The following HCN1 variants were observed in gnomAD, a reference collection of about 807,000 sequenced individuals.
HCN1 encodes the protein hyperpolarization activated cyclic nucleotide gated potassium channel 1.
In HCN1, 13 loss-of-function variants were observed where a neutral mutation model predicts 78.9. The observed-to-expected ratio is 0.16, with a 90% CI of 0.11 to 0.26. HCN1 has a LOEUF of 0.26. Among genes scored for constraint, HCN1 ranks in the 10% least tolerant of loss-of-function variants. The pLI is 1.00. For synonymous variants in HCN1, 552 were observed against 455.5 expected (o/e 1.21, Z -2.70); for missense variants, 810 against 1,154.3 (o/e 0.70, Z 4.32).
At chr5:45,444,948 C>T (rs976014057) in intron 3 of HCN1, among the ~76,000 whole-genome samples, 3 of 152,104 alleles carry the variant, frequency 2.0e-5, no homozygotes, top group Non-Finnish European at 4.4e-5. Flanking sequence ...AAGCTCCCAG[C>T]CTGAGCAATG....
At chr5:45,323,336 C>A (rs758852895) in intron 5 of HCN1, among the ~76,000 whole-genome samples, 2 of 151,770 alleles carry the variant, frequency 1.3e-5, no homozygotes, top group African/African-American at 4.8e-5. Flanking sequence ...ATTTATTACA[C>A]TTAATTTTAC....
chr5:45,687,655 G>T (rs1212479957), intron 1 of HCN1, among the ~76,000 whole-genome samples: 1 of 151,818 alleles, frequency 6.6e-6, no homozygotes, highest in African/African-American at 2.4e-5. Context: ...GACCTTCTTT[G>T]GCTGTTTGAT....
intron 3 of HCN1, among the ~76,000 whole-genome samples, chr5:45,437,782 A>C (rs1472614451): frequency 6.6e-6 from 1 of 152,206 alleles, no homozygotes; most frequent in African/African-American, 2.4e-5. Flanking sequence ...AGTTTAAAAG[A>C]ATACTTTATT....
At chr5:45,380,637 T>A (rs1747790312) in intron 4 of HCN1, among the ~76,000 whole-genome samples, 1 of 152,030 alleles carries the variant, frequency 6.6e-6, no homozygotes, top group Admixed American at 6.6e-5. Flanking sequence ...AAATAAAAAC[T>A]AGAGCACATA....
chr5:45,686,599 C>A (rs1739813874), intron 1 of HCN1, among the ~76,000 whole-genome samples: 2 of 151,904 alleles, frequency 1.3e-5, no homozygotes, highest in Admixed American at 6.6e-5. Context: ...AACTGTGATT[C>A]TTTTCCCTTT....
chr5:45,543,236 T>G (rs1207631197), intron 2 of HCN1, among the ~76,000 whole-genome samples: 2 of 152,000 alleles, frequency 1.3e-5, no homozygotes, highest in Non-Finnish European at 2.9e-5. Context: ...AAAACTAATA[T>G]GTACCAAGAA....
chr5:45,569,023 C>T (rs185510112), intron 2 of HCN1, among the ~76,000 whole-genome samples: 164 of 152,226 alleles, frequency 1.1e-3, no homozygotes, highest in Admixed American at 2.0e-3. Context: ...TCCCACTCCC[C>T]TGGAGATCCT....
chr5:45,346,636 C>G (rs548839094), intron 5 of HCN1, among the ~76,000 whole-genome samples: 1 of 152,116 alleles, frequency 6.6e-6, no homozygotes, highest in Non-Finnish European at 1.5e-5. Context: ...CAGATGGCAC[C>G]TGGAAAATCG....
intron 2 of HCN1, among the ~76,000 whole-genome samples, chr5:45,463,163 CA>C (rs537495710): frequency 6.6e-6 from 1 of 150,446 alleles, no homozygotes; most frequent in African/African-American, 2.4e-5. Flanking sequence ...TAAAGAAAAC[CA>C]AAAAAAATAC....
chr5:45,267,308 G>A (rs1460679473), intron 6 of HCN1, 55 bp from the exon 7 acceptor site: 8 of 1,521,344 alleles, frequency 5.3e-6, no homozygotes, highest in African/African-American at 2.7e-5. Context: ...TCTTTTAAAA[G>A]CCATTAAGGC....
chr5:45,338,739 T>C (rs553741378), intron 5 of HCN1, among the ~76,000 whole-genome samples: 92 of 152,282 alleles, frequency 6.0e-4, no homozygotes, highest in African/African-American at 2.1e-3. Flanking sequence ...TTGTAATCTA[T>C]CACTGTGACT....
At chr5:45,552,879 G>A (rs913261249) in intron 2 of HCN1, among the ~76,000 whole-genome samples, 59 of 151,982 alleles carry the variant, frequency 3.9e-4, no homozygotes, top group African/African-American at 1.4e-3. Context: ...GGAAGACACT[G>A]GGAATACGAA....
Position 45,692,036 on chromosome 5 carries a change from A to C in HCN1, c.425+3633T>G, listed in dbSNP as rs370709040. On this transcript the variant is annotated intron_variant, in intron 1 of 7. Transcript: ENST00000303230. ...TATGAGGAGCAAGATGTTGGCTGGC[A>C]ATACATATGGAAAGGAGCATTCTTT... 1.6e-4 allele frequency among the ~76,000 whole-genome samples: 25 copies of C among 152,346 alleles called. No individual in the cohort carries two copies. In the East Asian group the frequency reaches 4.0e-3, roughly 25 times the overall value.
chr5:45,262,298 C>T lies in HCN1; in HGVS notation c.2296G>A (p.Glu766Lys), dbSNP rs776567935. Residue 766 changes from glutamate (E) to lysine (K), a missense_variant, in exon 8 of 8, where the codon GAA (glutamate) becomes AAA (lysine). Around this residue, in one of 6 missense-constraint regions of HCN1, gnomAD observed 398 missense variants for 381.3 expected, o/e 1.04. Transcript: ENST00000303230. ...AGCGCCTGCGTGCTCTTGTGCACTTCATTTTTCGGCGTGGAGCTGCCAGGT... is the reference window on the plus strand; with the variant it reads ...AGCGCCTGCGTGCTCTTGTGCACTTTATTTTTCGGCGTGGAGCTGCCAGGT... ...QTPGSSTPKN[E>K]VHKSTQALHN... The T allele has an allele frequency of 1.3e-5, 21 of 1,613,960 alleles. No homozygotes were observed. Among genetic ancestry groups the T allele is most frequent in the Non-Finnish European group, 1.8e-5 (21 of 1,180,022 alleles).
At chr5:45,523,587 G>T (rs1579947875) in intron 2 of HCN1, among the ~76,000 whole-genome samples, 2 of 152,236 alleles carry the variant, frequency 1.3e-5, no homozygotes, top group East Asian at 3.9e-4. Flanking sequence ...TTGTGGTTTT[G>T]ATTTGCATTT....
intron 2 of HCN1, among the ~76,000 whole-genome samples, chr5:45,588,562 C>G (rs1189966058): frequency 6.6e-6 from 1 of 152,170 alleles, no homozygotes; most frequent in South Asian, 2.1e-4. Flanking sequence ...ATGCCGACAC[C>G]CTACTCACCT....
intron 4 of HCN1, among the ~76,000 whole-genome samples, chr5:45,392,564 C>T (rs1392953008): frequency 3.3e-5 from 5 of 152,042 alleles, no homozygotes; most frequent in South Asian, 4.1e-4. Flanking sequence ...AGGCCAGGCA[C>T]GGTGGCTCAT....
At chr5:45,364,857 A>C in intron 4 of HCN1, among the ~76,000 whole-genome samples, 1 of 152,088 alleles carries the variant, frequency 6.6e-6, no homozygotes, top group East Asian at 1.9e-4. Flanking sequence ...AGATGATGCT[A>C]ATGCTGGTAG....
At chr5:45,450,041 C>T (rs1740886456) in intron 3 of HCN1, among the ~76,000 whole-genome samples, 1 of 152,156 alleles carries the variant, frequency 6.6e-6, no homozygotes, top group Non-Finnish European at 1.5e-5. Context: ...CCATGTTAGC[C>T]AGGATGGTCT....
Sources: gnomAD v4.1 joint callset for allele counts (sites outside exome capture counted in the v4.1 genomes callset) on GRCh38, gnomAD v4.1.1 for gene constraint, gnomAD v4.1.1 regional missense constraint, MANE v1.5 for transcripts, NCBI Gene and HGNC (gene_info 2026-07-23, HGNC 2026-07-21) for gene names.